FOXA3: variants seen among roughly 807,000 people sequenced by gnomAD.
FOXA3 encodes hepatocyte nuclear factor 3-gamma.
Under a neutral mutation model 16.9 loss-of-function variants are expected in FOXA3, and 11 were observed. The observed-to-expected ratio is 0.65, with a 90% confidence interval of 0.41 to 1.08. The LOEUF is 1.08. Ranked by LOEUF, FOXA3 falls within the 50% of genes least tolerant of loss-of-function variation. The pLI is 0.00. For synonymous variants in FOXA3, 217 were observed against 203.3 expected (o/e 1.07, Z -0.57); for missense variants, 423 against 470.1 (o/e 0.90, Z 0.93).
chr19:45,865,151 T>C (rs1056204995), intron 1 of FOXA3, among the ~76,000 whole-genome samples: 2 of 152,048 alleles, frequency 1.3e-5, no homozygotes, highest in African/African-American at 4.8e-5. Context: ...GTTGGGCATC[T>C]GGGAGCAGAA....
At chr19:45,865,014 C>T (rs909239465) in intron 1 of FOXA3, among the ~76,000 whole-genome samples, 21 of 151,832 alleles carry the variant, frequency 1.4e-4, no homozygotes, top group Admixed American at 2.0e-4. Context: ...AACCGGGGTT[C>T]GGGGCTAAGG....
At chr19:45,864,557 T>G (rs779047660) in intron 1 of FOXA3, 32 bp downstream of exon 1, 9 of 1,488,516 alleles carry the variant, frequency 6.0e-6, no homozygotes, top group Non-Finnish European at 7.2e-6. Context: ...AGCGGGAAGT[T>G]GGGGGCAGGT....
intron 1 of FOXA3, among the ~76,000 whole-genome samples, chr19:45,869,620 T>C (rs889632331): frequency 9.3e-4 from 142 of 152,326 alleles, no homozygotes; most frequent in African/African-American, 3.3e-3. Flanking sequence ...CCTATGATTT[T>C]AACTGAGTGT....
intron 1 of FOXA3, 66 bp downstream of exon 1, chr19:45,864,591 G>A: frequency 2.3e-6 from 3 of 1,322,102 alleles, no homozygotes; most frequent in Non-Finnish European, 3.0e-6. Context: ...CTCACATGGA[G>A]CAGGGACTGG....
intron 1 of FOXA3, among the ~76,000 whole-genome samples, chr19:45,868,688 C>T (rs1022858194): frequency 1.3e-5 from 2 of 151,888 alleles, no homozygotes; most frequent in Non-Finnish European, 1.5e-5. Flanking sequence ...CCCCCACCCA[C>T]GCAGTGCCAT....
At position 45,867,183 on chromosome 19, in the gene FOXA3, C is replaced by G. The variant is rs138239510; in HGVS notation, c.69+2658C>G. ...TCCCTGTCTGTCTTACTCTGCAATA[C>G]CAGAGAGCCTGACTGGGTTGCAGAA... On this transcript the variant is annotated intron_variant, in intron 1 of 1. Coordinates refer to ENST00000302177, the MANE Select transcript of FOXA3 (RefSeq NM_004497.3). Among the ~76,000 whole-genome samples, 106 of 152,102 alleles carry G rather than the reference C, an allele frequency of 7.0e-4. 2 individuals carry two copies. The East Asian group carries it at 0.02, about 28-fold the overall frequency.
Position 45,873,417 on chromosome 19 carries a change from C to T in FOXA3, c.*359C>T. ...CCCCCCCCATTAGGTGCTGTGCCCA[C>T]TTCTTTTTTGGTGTACTTGGCACAG... On this transcript the variant is annotated 3_prime_UTR_variant, in exon 2 of 2. Transcript: ENST00000302177. 6.3e-6 allele frequency: 2 copies of T among 319,768 alleles called. No individual in the cohort carries two copies. Among genetic ancestry groups the T allele is most frequent in the South Asian group, 6.9e-5 (2 of 29,032 alleles). The allele number at this position is 319,768 out of a possible 1,614,324, so 19.8% of individuals were successfully genotyped here. A position where few individuals can be genotyped will look rare whatever the true frequency, so the allele number is the denominator to read the frequency against.
intron 1 of FOXA3, among the ~76,000 whole-genome samples, chr19:45,867,184 C>T (rs1213762920): frequency 6.6e-6 from 1 of 152,018 alleles, no homozygotes; most frequent in Non-Finnish European, 1.5e-5. Context: ...TCTGCAATAC[C>T]AGAGAGCCTG....
rs1042354368 is a variant in FOXA3 at position 45,869,266 on chromosome 19, G to A, written c.70-2809G>A. Among the ~76,000 whole-genome samples, 8 of 151,806 alleles carry A rather than the reference G, an allele frequency of 5.3e-5. No individual in the cohort carries two copies. In the South Asian group the frequency reaches 6.3e-4, roughly 12 times the overall value. On this transcript the variant is annotated intron_variant, in intron 1 of 1. Coordinates refer to ENST00000302177, the MANE Select transcript of FOXA3 (RefSeq NM_004497.3). ...AGTCACTGCGTTTATAGCGTGACCC[G>A]GAACAGGTCTGGAGCCAGACTGCCT...
chr19:45,864,438 G>T lies in FOXA3; in HGVS notation c.-19G>T. ...CCCCGGGGCCGGAGCGGGGGCGGGT[G>T]GGGGCGTAAGCCCGGGGGATGCTGG... On this transcript the variant is annotated 5_prime_UTR_variant, in exon 1 of 2. Transcript: ENST00000302177. 2 of 1,426,788 alleles carry T rather than the reference G, an allele frequency of 1.4e-6. No individual in the cohort carries two copies. Among genetic ancestry groups the T allele is most frequent in the Admixed American group, 5.0e-5 (2 of 40,008 alleles). The allele number at this position is 1,426,788 out of a possible 1,614,324, so 88.4% of individuals were successfully genotyped here. A position where few individuals can be genotyped will look rare whatever the true frequency, so the allele number is the denominator to read the frequency against.
At chr19:45,867,424 G>A (rs941122690) in intron 1 of FOXA3, among the ~76,000 whole-genome samples, 3 of 150,878 alleles carry the variant, frequency 2.0e-5, no homozygotes, top group Non-Finnish European at 4.4e-5. Flanking sequence ...GAGATAGATA[G>A]ATAGATAGAT....
chr19:45,867,877 A>G (rs1600548706), intron 1 of FOXA3, among the ~76,000 whole-genome samples: 1 of 149,044 alleles, frequency 6.7e-6, no homozygotes, highest in East Asian at 2.0e-4. Flanking sequence ...GGATAGTGAG[A>G]GAGAGTGCCC....
chr19:45,872,236 T>G lies in FOXA3; in HGVS notation c.231T>G (p.Thr77=). The change falls in exon 2 of 2, where the codon ACT becomes ACG. Residue 77 remains threonine (T), a synonymous_variant. Transcript: ENST00000302177. This position sits in a 1 kb window ranked among gnomAD's most constrained non-coding sequence, Gnocchi z 4.5. ...PPAPAAPLGP[T]FPGLGVSGGS... ...CACCTGCAGCCCCCCTGGGGCCCAC[T>G]TTCCCAGGCCTGGGTGTCAGCGGTG... is the stretch of plus-strand genomic sequence containing the variant. 1.2e-6 allele frequency: 2 copies of G among 1,607,262 alleles called. No homozygotes were observed. The highest frequency in any genetic ancestry group is 2.2e-5 in the South Asian group (2 of 90,718).
intron 1 of FOXA3, among the ~76,000 whole-genome samples, chr19:45,865,685 CT>C (rs1223463051): frequency 6.6e-6 from 1 of 151,910 alleles, no homozygotes; most frequent in Non-Finnish European, 1.5e-5. Flanking sequence ...GGGCTCGAAA[CT>C]GTAGGGTGGG....
chr19:45,872,348 C>T lies in FOXA3; in HGVS notation c.343C>T (p.His115Tyr). The T allele has an allele frequency of 6.2e-7, 1 of 1,614,186 alleles. No homozygotes were observed. Among genetic ancestry groups the T allele is most frequent in the Non-Finnish European group, 8.5e-7 (1 of 1,180,014 alleles). Reference protein sequence around the residue: ...MPKGYRRPLAHAKPPYSYISL... With the variant: ...MPKGYRRPLAYAKPPYSYISL... Reference sequence around the variant, plus strand: ...GAAGGGGTATCGGCGGCCCCTGGCACACGCCAAGCCACCGTATTCCTATAT... The same window carrying T: ...GAAGGGGTATCGGCGGCCCCTGGCATACGCCAAGCCACCGTATTCCTATAT... The change falls in exon 2 of 2, where the codon CAC (histidine) becomes TAC (tyrosine). Residue 115 changes from histidine to tyrosine, a missense_variant. Physicochemically the swap from His to Tyr is moderately conservative, Grantham distance 83. Around this residue, in one of 3 missense-constraint regions of FOXA3, gnomAD observed 170 missense variants for 153.9 expected, o/e 1.10. Coordinates refer to ENST00000302177, the MANE Select transcript of FOXA3 (RefSeq NM_004497.3). The surrounding 1 kb of genome is among the most constrained non-coding windows in gnomAD (Gnocchi z 4.5).
intron 1 of FOXA3, among the ~76,000 whole-genome samples, chr19:45,871,810 G>C (rs1033521001): frequency 2.0e-5 from 3 of 152,148 alleles, no homozygotes; most frequent in Non-Finnish European, 4.4e-5. Context: ...GACTGCCCTG[G>C]GAGTCCCGAA....
In FOXA3 at chr19:45,872,460, C is replaced by T; in HGVS notation, c.455C>T (p.Pro152Leu). ...TACCAGTGGATCATGGACCTCTTCCCTTACTACCGGGAGAATCAGCAGCGC... is the reference window on the plus strand; with the variant it reads ...TACCAGTGGATCATGGACCTCTTCCTTTACTACCGGGAGAATCAGCAGCGC... The part of the protein sequence containing the change: ...EIYQWIMDLF[P>L]YYRENQQRWQ... Residue 152 changes from proline (P) to leucine (L), a missense_variant, in exon 2 of 2, where the codon CCT becomes CTT. By Grantham distance (98) the Pro-to-Leu change is moderately conservative (BLOSUM62 -3). Coordinates refer to ENST00000302177, the MANE Select transcript of FOXA3 (RefSeq NM_004497.3). This position sits in a 1 kb window ranked among gnomAD's most constrained non-coding sequence, Gnocchi z 4.5. 1 of 1,614,234 alleles carries T rather than the reference C, an allele frequency of 6.2e-7. No individual in the cohort carries two copies. Among genetic ancestry groups the T allele is most frequent in the Non-Finnish European group, 8.5e-7 (1 of 1,180,036 alleles).
chr19:45,866,206 G>A (rs886089688), intron 1 of FOXA3, among the ~76,000 whole-genome samples: 4 of 152,064 alleles, frequency 2.6e-5, no homozygotes, highest in African/African-American at 9.7e-5. Context: ...GAGCCCAGGA[G>A]TTTGAGGCCA....
At chr19:45,865,229 C>T (rs1288827294) in intron 1 of FOXA3, among the ~76,000 whole-genome samples, 1 of 152,058 alleles carries the variant, frequency 6.6e-6, no homozygotes, top group East Asian at 1.9e-4. Flanking sequence ...CATGACCCTC[C>T]GCAGGGACTC....
Sources: gnomAD v4.1 joint callset for allele counts (sites outside exome capture counted in the v4.1 genomes callset) on GRCh38, gnomAD v4.1.1 for gene constraint, gnomAD v4.1.1 regional missense constraint, Gnocchi (gnomAD v3.1) non-coding constraint, MANE v1.5 for transcripts, NCBI Gene and HGNC (gene_info 2026-07-23, HGNC 2026-07-21) for gene names.